Variants in RPGRIP1L observed in about 807,000 individuals in gnomAD.
RPGRIP1L encodes RPGRIP1 like.
In RPGRIP1L, 131 loss-of-function variants were observed where a neutral mutation model predicts 160.4. That is an observed-to-expected ratio of 0.82 (90% confidence interval 0.71 to 0.94). RPGRIP1L has a LOEUF of 0.94. Among genes scored for constraint, RPGRIP1L ranks in the 40% least tolerant of loss-of-function variants. RPGRIP1L has a pLI of 0.00. For synonymous variants in RPGRIP1L, 510 were observed against 515.8 expected (o/e 0.99, Z 0.15); for missense variants, 1,522 against 1,535.8 (o/e 0.99, Z 0.15).
chr16:53,609,896 T>C (rs1398552371), intron 25 of RPGRIP1L, among the ~76,000 whole-genome samples: 1 of 152,128 alleles, frequency 6.6e-6, no homozygotes, highest in African/African-American at 2.4e-5. Context: ...TCTCTCTTCT[T>C]CAAACAGAAG....
chr16:53,689,561 A>G (rs1313677315), intron 4 of RPGRIP1L, among the ~76,000 whole-genome samples: 2 of 152,176 alleles, frequency 1.3e-5, no homozygotes, highest in African/African-American at 4.8e-5. Context: ...AGTGCTTTCC[A>G]TCCTTTATCC....
chr16:53,655,302 C>T lies in RPGRIP1L; in HGVS notation c.1699+1170G>A, dbSNP rs145808621. On this transcript the variant is annotated intron_variant, in intron 14 of 26. Coordinates refer to ENST00000647211, the MANE Select transcript of RPGRIP1L (RefSeq NM_015272.5). ...AGGTACTTTAATTTATGTTAACACG[C>T]AATAAGTTTATTATTATTTTAACAA... is the stretch of plus-strand genomic sequence containing the variant. 1.8e-3 allele frequency among the ~76,000 whole-genome samples: 279 copies of T among 152,128 alleles called. 1 individual carries two copies. The highest frequency in any genetic ancestry group is 6.3e-3 in the African/African-American group (261 of 41,484).
chr16:53,677,283 A>G (rs896961766), intron 6 of RPGRIP1L, among the ~76,000 whole-genome samples: 2 of 152,214 alleles, frequency 1.3e-5, no homozygotes, highest in African/African-American at 2.4e-5. Flanking sequence ...TACTTTAAAC[A>G]ATACCTTAAG....
At chr16:53,687,461 A>G (rs1970099738) in intron 5 of RPGRIP1L, among the ~76,000 whole-genome samples, 1 of 152,112 alleles carries the variant, frequency 6.6e-6, no homozygotes, top group African/African-American at 2.4e-5. Flanking sequence ...GATAACTCCA[A>G]ACTTTTATGC....
intron 8 of RPGRIP1L, 32 bp downstream of exon 8, chr16:53,672,838 G>C (rs1348682377): frequency 6.3e-7 from 1 of 1,594,822 alleles, no homozygotes; most frequent in African/African-American, 1.3e-5. Context: ...AAGTTGTAAT[G>C]CAACAGATGG....
At chr16:53,613,221 T>A (rs1328300393) in intron 24 of RPGRIP1L, among the ~76,000 whole-genome samples, 1 of 152,208 alleles carries the variant, frequency 6.6e-6, no homozygotes, top group African/African-American at 2.4e-5. Context: ...AACATGGGCA[T>A]ACAAATATCT....
At chr16:53,700,779 A>T in intron 1 of RPGRIP1L, 49 bp from the exon 2 acceptor site, 1 of 1,402,446 alleles carries the variant, frequency 7.1e-7, no homozygotes, top group South Asian at 1.2e-5. Flanking sequence ...TTATTACATT[A>T]ACTATGCAAT....
chr16:53,638,445 T>G (rs754156397), intron 19 of RPGRIP1L, 34 bp from the exon 20 acceptor site: 1 of 1,120,780 alleles, frequency 8.9e-7, no homozygotes, highest in South Asian at 1.2e-5. Flanking sequence ...ATGTATGTCA[T>G]TTTTTATTTA....
intron 14 of RPGRIP1L, among the ~76,000 whole-genome samples, chr16:53,653,916 C>T (rs1967023339): frequency 6.6e-6 from 1 of 152,106 alleles, no homozygotes; most frequent in Admixed American, 6.5e-5. Flanking sequence ...CTCTATGTAT[C>T]TAGATATCCC....
rs978163321 is a variant in RPGRIP1L, at chr16:53,694,951, C to T, written c.230+1200G>A. 8 of 180,160 alleles carry T rather than the reference C, an allele frequency of 4.4e-5. No individual in the cohort carries two copies. The South Asian group carries it at 5.4e-4, about 12-fold the overall frequency. The allele number at this position is 180,160 out of a possible 1,614,324, so 11.2% of individuals were successfully genotyped here. ...CATTATTCTCGTAGCTAAAGTAAAACGAACTTTCAGGAGGTTAAATGGCTT... is the reference window on the plus strand; with the variant it reads ...CATTATTCTCGTAGCTAAAGTAAAATGAACTTTCAGGAGGTTAAATGGCTT... On this transcript the variant is annotated intron_variant, in intron 3 of 26. Coordinates refer to ENST00000647211, the MANE Select transcript of RPGRIP1L (RefSeq NM_015272.5).
chr16:53,686,524 C>A lies in RPGRIP1L; in HGVS notation c.685G>T (p.Ala229Ser). The A allele has an allele frequency of 6.2e-7, 1 of 1,613,562 alleles. No homozygotes were observed. Among genetic ancestry groups the A allele is most frequent in the Non-Finnish European group, 8.5e-7 (1 of 1,179,720 alleles). ...RGQIEELEHL[A>S]EILKTQLRRK... ...CTCAACTGAGTTTTCAGGATCTCAG[C>A]CAAGTGCTCTAACTCCTCTATCTGG... is the stretch of plus-strand genomic sequence containing the variant. The change falls in exon 6 of 27, where the codon GCT (alanine) becomes TCT (serine). Residue 229 changes from alanine to serine, a missense_variant. By Grantham distance (99) the Ala-to-Ser change is moderately conservative. Coordinates refer to ENST00000647211, the MANE Select transcript of RPGRIP1L (RefSeq NM_015272.5).
At position 53,600,697 on chromosome 16, in the gene RPGRIP1L, T is replaced by G. The variant is rs1336044559; in HGVS notation, c.*1379A>C. ...TAGCTGCTTTTTTTTTCTATTGAAC[T>G]GTAATGAATTGTCTCATAATCTATT... On this transcript the variant is annotated 3_prime_UTR_variant, in exon 27 of 27. Coordinates refer to ENST00000647211, the MANE Select transcript of RPGRIP1L (RefSeq NM_015272.5). 1 of 152,648 alleles carries G rather than the reference T, an allele frequency of 6.6e-6. No individual in the cohort carries two copies. Among genetic ancestry groups the G allele is most frequent in the African/African-American group, 2.4e-5 (1 of 41,468 alleles). 9.5% of individuals were successfully genotyped at this position (152,648 alleles called of 1,614,324 possible).
In RPGRIP1L at chr16:53,657,588, T is replaced by C. The variant is rs1180651505; in HGVS notation, c.1446A>G (p.Lys482=). The stretch of plus-strand genomic sequence containing the variant: ...GATCTTTATTAATTTCACTATCTAC[T>C]TTCACTAAAAAGGAAAGGTCTCCAT... ...QKNGDLSFLV[K]VDSEINKDLE... is the part of the protein sequence containing the mutation. Residue 482 remains lysine, a synonymous_variant, in exon 13 of 27, where the codon AAA becomes AAG. Coordinates refer to ENST00000647211, the MANE Select transcript of RPGRIP1L (RefSeq NM_015272.5). 1.9e-6 allele frequency: 3 copies of C among 1,600,920 alleles called. No individual in the cohort carries two copies. In the South Asian group the frequency reaches 3.4e-5, roughly 18 times the overall value.
rs759378170 is a variant in RPGRIP1L, at chr16:53,677,558, G to A, written c.777-2436C>T. 1.1e-4 allele frequency among the ~76,000 whole-genome samples: 17 copies of A among 152,212 alleles called. No homozygotes were observed. In the Middle Eastern group the frequency reaches 0.01, roughly 91 times the overall value. On this transcript the variant is annotated intron_variant, in intron 6 of 26. Coordinates refer to ENST00000647211, the MANE Select transcript of RPGRIP1L (RefSeq NM_015272.5). The stretch of plus-strand genomic sequence containing the variant: ...ATAAATGTGGTCTAGCCTTTAAGAA[G>A]ATGTGCAATAAAAATTACTTCAAAC...
chr16:53,649,221 C>T, intron 15 of RPGRIP1L, 106 bp from the exon 16 acceptor site: 1 of 923,808 alleles, frequency 1.1e-6, no homozygotes, highest in Non-Finnish European at 1.7e-6. Flanking sequence ...ACATTTTATG[C>T]TGAGTAAAAT....
rs554664817 is a variant in RPGRIP1L, at chr16:53,611,731, T to C, written c.3617-680A>G. ...GAAAGAAGACGGTGAACACTTGACA[T>C]TGTAAGTAAGCATCTGCACTTTGGG... On this transcript the variant is annotated intron_variant, in intron 24 of 26. Transcript: ENST00000647211. Among the ~76,000 whole-genome samples the C allele has an allele frequency of 3.3e-5, 5 of 152,316 alleles. No homozygotes were observed. In the South Asian group the frequency reaches 8.3e-4, roughly 25 times the overall value.
intron 7 of RPGRIP1L, 27 bp downstream of exon 7, chr16:53,674,990 T>C (rs762213686): frequency 3.4e-6 from 5 of 1,450,336 alleles, no homozygotes; most frequent in South Asian, 3.4e-5. Flanking sequence ...CTCTGTAACA[T>C]TGTAATAAAA....
rs535469497 is a variant in RPGRIP1L at position 53,698,782 on chromosome 16, C to G, written c.85+1857G>C. Among the ~76,000 whole-genome samples the G allele has an allele frequency of 8.0e-5, 12 of 150,628 alleles. No homozygotes were observed. The South Asian group carries it at 1.9e-3, about 24-fold the overall frequency. On this transcript the variant is annotated intron_variant, in intron 2 of 26. Coordinates refer to ENST00000647211, the MANE Select transcript of RPGRIP1L (RefSeq NM_015272.5). ...GAGGGAGGTGGGGGGGTCAGCCCCC[C>G]ACCCGGCCAGCCGCCTCGTCCGGGA...
At chr16:53,648,036 G>A (rs927022509) in intron 16 of RPGRIP1L, among the ~76,000 whole-genome samples, 7 of 150,324 alleles carry the variant, frequency 4.7e-5, no homozygotes, top group African/African-American at 9.8e-5. Context: ...CCCGGGAGGC[G>A]GAGCTTGCAG....
Sources: gnomAD v4.1 joint callset for allele counts (sites outside exome capture counted in the v4.1 genomes callset) on GRCh38, gnomAD v4.1.1 for gene constraint, MANE v1.5 for transcripts, NCBI Gene and HGNC (gene_info 2026-07-23, HGNC 2026-07-21) for gene names.